NPS: variants seen among roughly 807,000 people sequenced by gnomAD.
NPS encodes the protein neuropeptide S.
NPS carries 6 observed loss-of-function variants against 7.2 expected under a neutral mutation model. The ratio of observed to expected loss-of-function variants is 0.83; its 90% CI spans 0.46 to 1.64. The LOEUF is 1.64. Ranked by LOEUF, NPS falls within the 40% of genes most tolerant of loss-of-function variation. The pLI is 0.01. For missense variants in NPS, 123 were observed against 97.8 expected, an observed-to-expected ratio of 1.26 and a Z score of -1.09; for synonymous variants, 42 against 36.7, an observed-to-expected ratio of 1.14 and a Z score of -0.52.
rs963708693 is a variant in NPS at position 127,553,318 on chromosome 10, A to C, written c.*679A>C. On this transcript the variant is annotated 3_prime_UTR_variant, in exon 3 of 3. Coordinates refer to ENST00000398023, the MANE Select transcript of NPS (RefSeq NM_001030013.2). Reference sequence around the variant, plus strand: ...AAGCACAGAAATGCTGCCAGTAACAACAACAACAGAGAGACTGAGAGTGCC... The same window carrying C: ...AAGCACAGAAATGCTGCCAGTAACACCAACAACAGAGAGACTGAGAGTGCC... 9.9e-5 allele frequency among the ~76,000 whole-genome samples: 15 copies of C among 152,176 alleles called. No individual in the cohort carries two copies. Among genetic ancestry groups the C allele is most frequent in the African/African-American group, 3.1e-4 (13 of 41,440 alleles).
At chr10:127,551,944 A>G (rs1844862409) in intron 2 of NPS, among the ~76,000 whole-genome samples, 1 of 152,152 alleles carries the variant, frequency 6.6e-6, no homozygotes. Flanking sequence ...ACACTCTCCT[A>G]CATTATCCAG....
chr10:127,552,341 C>T (rs1844865511), intron 2 of NPS, 119 bp from the exon 3 acceptor site: 2 of 662,618 alleles, frequency 3.0e-6, no homozygotes, highest in South Asian at 3.9e-5. Flanking sequence ...AAACTTCTGC[C>T]TTTAAGATGA....
Position 127,553,149 on chromosome 10 carries a change from A to G in NPS, c.*510A>G, listed in dbSNP as rs1844874087. ...GTGAATGGTACAGCTGTATCAATTG[A>G]TTAATTAATTGATACCAAGAACAAA... On this transcript the variant is annotated 3_prime_UTR_variant, in exon 3 of 3. Transcript: ENST00000398023. 6.6e-6 allele frequency among the ~76,000 whole-genome samples: 1 copy of G among 152,180 alleles called. No individual in the cohort carries two copies. The highest frequency in any genetic ancestry group is 2.4e-5 in the African/African-American group (1 of 41,442).
rs1451514505 is a variant in NPS at position 127,549,522 on chromosome 10, G to A, written c.42G>A (p.Ser14=). 8.7e-6 allele frequency: 14 copies of A among 1,612,410 alleles called. No individual in the cohort carries two copies. Among genetic ancestry groups the A allele is most frequent in the South Asian group, 2.2e-5 (2 of 91,034 alleles). Reference sequence around the variant, plus strand: ...AACTCAATCTCATCCTAGTTCTGTCGCTGTCCACAATGCATGTGTTTTGGT... The same window carrying A: ...AACTCAATCTCATCCTAGTTCTGTCACTGTCCACAATGCATGTGTTTTGGT... The part of the protein sequence containing the change: ...SVKLNLILVL[S]LSTMHVFWCY... Residue 14 remains serine, a synonymous_variant, in exon 2 of 3, where the codon TCG becomes TCA. Coordinates refer to ENST00000398023, the MANE Select transcript of NPS (RefSeq NM_001030013.2).
At position 127,551,207 on chromosome 10, in the gene NPS, C is replaced by G. The variant is rs567210676; in HGVS notation, c.91-1253C>G. Among the ~76,000 whole-genome samples, 15 of 151,970 alleles carry G rather than the reference C, an allele frequency of 9.9e-5. No individual in the cohort carries two copies. In the South Asian group the frequency reaches 2.7e-3, roughly 27 times the overall value. On this transcript the variant is annotated intron_variant, in intron 2 of 2. Coordinates refer to ENST00000398023, the MANE Select transcript of NPS (RefSeq NM_001030013.2). Reference sequence around the variant, plus strand: ...AGTGTTTGATTGGTTTTCTCATGACCAATATTTCTGAAACTCTCTGACCAA... The same window carrying G: ...AGTGTTTGATTGGTTTTCTCATGACGAATATTTCTGAAACTCTCTGACCAA...
rs990310 is a variant in NPS at position 127,549,521 on chromosome 10, C to T, written c.41C>T (p.Ser14Leu). The change falls in exon 2 of 3, where the codon TCG (serine) becomes TTG (leucine). Residue 14 changes from serine to leucine, a missense_variant. By Grantham distance (145) the Ser-to-Leu change is moderately radical. Transcript: ENST00000398023. Reference protein sequence around the residue: ...SVKLNLILVLSLSTMHVFWCY... With the variant: ...SVKLNLILVLLLSTMHVFWCY... ...AAACTCAATCTCATCCTAGTTCTGT[C>T]GCTGTCCACAATGCATGTGTTTTGG... 0.055 allele frequency: 88,045 copies of T among 1,611,418 alleles called. 5,005 individuals carry two copies. Among genetic ancestry groups the T allele is most frequent in the African/African-American group, 0.28 (21,108 of 74,778 alleles).
intron 2 of NPS, among the ~76,000 whole-genome samples, chr10:127,550,690 T>A (rs1445260621): frequency 6.6e-6 from 1 of 152,250 alleles, no homozygotes; most frequent in Non-Finnish European, 1.5e-5. Flanking sequence ...TGTTTCTCCT[T>A]TCACTGCATT....
rs186831805 is a variant in NPS at position 127,549,545 on chromosome 10, G to T, written c.65G>T (p.Trp22Leu). 17 of 1,609,448 alleles carry T rather than the reference G, an allele frequency of 1.1e-5. No individual in the cohort carries two copies. The highest frequency in any genetic ancestry group is 6.7e-5 in the Admixed American group (4 of 59,982). ...TCGCTGTCCACAATGCATGTGTTTT[G>T]GTGTTATCCAGTTCCATCTTCTAAG... The part of the protein sequence containing the change: ...VLSLSTMHVF[W>L]CYPVPSSKVS... The change falls in exon 2 of 3, where the codon TGG (tryptophan) becomes TTG (leucine). Residue 22 changes from tryptophan to leucine, a missense_variant. Physicochemically the swap from Trp to Leu is moderately conservative, Grantham distance 61. Transcript: ENST00000398023.
intron 2 of NPS, 35 bp from the exon 3 acceptor site, chr10:127,552,425 G>C: frequency 7.8e-7 from 1 of 1,277,858 alleles, no homozygotes; most frequent in Non-Finnish European, 1.1e-6. Flanking sequence ...CCCTAAGGCT[G>C]TATTCTCTTT....
Position 127,552,462 on chromosome 10 carries a change from G to T in NPS, c.93G>T (p.Val31=). 1 of 1,594,630 alleles carries T rather than the reference G, an allele frequency of 6.3e-7. No homozygotes were observed. Among genetic ancestry groups the T allele is most frequent in the Non-Finnish European group, 8.6e-7 (1 of 1,163,412 alleles). ...FWCYPVPSSK[V]SGKSDYFLIL... ...TCCTCACCCATCTGAATTGCCAGGT[G>T]TCTGGAAAATCTGATTACTTTCTCA... is the stretch of plus-strand genomic sequence containing the variant. Residue 31 remains valine (V), a splice_region_variant and synonymous_variant, in exon 3 of 3, where the codon GTG becomes GTT. Transcript: ENST00000398023.
intron 2 of NPS, among the ~76,000 whole-genome samples, chr10:127,551,460 T>C (rs950328383): frequency 1.3e-5 from 2 of 152,162 alleles, no homozygotes; most frequent in Non-Finnish European, 2.9e-5. Flanking sequence ...AGTTTTACCT[T>C]GTAGTATGTC....
intron 2 of NPS, 112 bp from the exon 3 acceptor site, chr10:127,552,348 A>G: frequency 4.5e-6 from 3 of 670,466 alleles, no homozygotes; most frequent in Non-Finnish European, 7.9e-6. Flanking sequence ...TGCCTTTAAG[A>G]TGATTGATAT....
rs376696347 is a variant in NPS, at chr10:127,549,419, C to A, written c.8+43C>A. The A allele has an allele frequency of 3.1e-5, 49 of 1,597,588 alleles. No homozygotes were observed. The African/African-American group carries it at 6.4e-4, about 21-fold the overall frequency. ...TCTGCAAAGAAAAATGTTGCATTTT[C>A]ATATGCTGTTTTACTTATTCTTGCC... is the stretch of plus-strand genomic sequence containing the variant. On this transcript the variant is annotated intron_variant, in intron 1 of 2. Coordinates refer to ENST00000398023, the MANE Select transcript of NPS (RefSeq NM_001030013.2).
chr10:127,551,307 T>C lies in NPS; in HGVS notation c.91-1153T>C, dbSNP rs577497988. 7.2e-5 allele frequency among the ~76,000 whole-genome samples: 11 copies of C among 152,098 alleles called. No homozygotes were observed. The South Asian group carries it at 2.3e-3, about 32-fold the overall frequency. On this transcript the variant is annotated intron_variant, in intron 2 of 2. Transcript: ENST00000398023. Reference sequence around the variant, plus strand: ...GGCCAGTGGGAATGATTTGTCTGGGTTGCACTGAATCTTCAGTAAACCACC... The same window carrying C: ...GGCCAGTGGGAATGATTTGTCTGGGCTGCACTGAATCTTCAGTAAACCACC...
intron 2 of NPS, among the ~76,000 whole-genome samples, chr10:127,551,855 T>G (rs1381597204): frequency 6.6e-6 from 1 of 152,174 alleles, no homozygotes; most frequent in East Asian, 1.9e-4. Flanking sequence ...CTGCAAAATA[T>G]GGGGTTGAAC....
chr10:127,549,596 A>T, intron 2 of NPS, 26 bp downstream of exon 2: 1 of 1,228,816 alleles, frequency 8.1e-7, no homozygotes, highest in African/African-American at 1.5e-5. Context: ...CGTTGTGGAT[A>T]TTTAAATAGA....
In NPS at chr10:127,552,719, A is replaced by G. The variant is rs1429009216; in HGVS notation, c.*80A>G. Reference sequence around the variant, plus strand: ...ACTCAAAGTCCATCGTCTCTTTATCATTGAGTGTTGGCATGCTCTCTATTC... The same window carrying G: ...ACTCAAAGTCCATCGTCTCTTTATCGTTGAGTGTTGGCATGCTCTCTATTC... On this transcript the variant is annotated 3_prime_UTR_variant, in exon 3 of 3. Coordinates refer to ENST00000398023, the MANE Select transcript of NPS (RefSeq NM_001030013.2). 2 of 904,828 alleles carry G rather than the reference A, an allele frequency of 2.2e-6. No individual in the cohort carries two copies. The highest frequency in any genetic ancestry group is 4.8e-5 in the East Asian group (2 of 41,328). 56.0% of individuals were successfully genotyped at this position (904,828 alleles called of 1,614,324 possible).
intron 2 of NPS, among the ~76,000 whole-genome samples, chr10:127,550,316 A>G (rs561354007): frequency 6.6e-6 from 1 of 152,314 alleles, no homozygotes; most frequent in East Asian, 1.9e-4. Flanking sequence ...TGATAAATAT[A>G]TGTCTGAACA....
rs1844868197 is a variant in NPS, at chr10:127,552,616, T to G, written c.247T>G (p.Ser83Ala). The G allele has an allele frequency of 6.2e-7, 1 of 1,613,172 alleles. No individual in the cohort carries two copies. Among genetic ancestry groups the G allele is most frequent in the Non-Finnish European group, 8.5e-7 (1 of 1,179,378 alleles). Residue 83 changes from serine to alanine, a missense_variant, in exon 3 of 3, where the codon TCC becomes GCC. Physicochemically the swap from Ser to Ala is moderately conservative, Grantham distance 99. Transcript: ENST00000398023. ...AGTTGGCACAGGGATGAAAAAAACT[T>G]CCTTTCAAAGAGCAAAATCATGACT... The part of the protein sequence containing the change: ...NGVGTGMKKT[S>A]FQRAKS
Sources: allele counts gnomAD v4.1 joint callset (sites outside exome capture counted in the v4.1 genomes callset), GRCh38; gene constraint gnomAD v4.1.1; transcripts MANE v1.5; gene names NCBI Gene and HGNC (gene_info 2026-07-23, HGNC 2026-07-21).